IL1RAPL2: variants seen among roughly 807,000 people sequenced by gnomAD.
The protein encoded by IL1RAPL2 is X-linked interleukin-1 receptor accessory protein-like 2.
In IL1RAPL2, 3 loss-of-function variants were observed where a neutral mutation model predicts 44.1. The observed-to-expected ratio is 0.07, with a 90% confidence interval of 0.03 to 0.18. The LOEUF (loss-of-function observed/expected upper bound fraction) is 0.18. Ranked by LOEUF, IL1RAPL2 falls within the 10% of genes least tolerant of loss-of-function variation. IL1RAPL2 has a pLI of 1.00. For missense variants in IL1RAPL2, 391 were observed against 496.4 expected (o/e 0.79, Z 2.02); for synonymous variants, 181 against 178.8 (o/e 1.01, Z -0.10).
intron 2 of IL1RAPL2, among the ~76,000 whole-genome samples, chrX:105,042,335 A>G (rs2031758440): frequency 9.1e-6 from 1 of 110,371 alleles, no homozygotes; most frequent in Non-Finnish European, 1.9e-5. Flanking sequence ...TCATCTGACA[A>G]AGGGCTAATA....
At chrX:104,651,866 A>G (rs1015987452) in intron 1 of IL1RAPL2, among the ~76,000 whole-genome samples, 1 of 111,735 alleles carries the variant, frequency 8.9e-6, no homozygotes, top group African/African-American at 3.2e-5. Context: ...GATAAGGTCT[A>G]TGGAAAACAA....
At chrX:105,220,023 C>T (rs913418680) in intron 3 of IL1RAPL2, 23 of 1,209,653 alleles carry the variant, frequency 1.9e-5, no homozygotes, top group Admixed American at 8.7e-5. Flanking sequence ...GCCGGGAGGC[C>T]GCCTCCTTGC....
chrX:105,073,914 G>T lies in IL1RAPL2; in HGVS notation c.83-121561G>T, dbSNP rs750003257. Among the ~76,000 whole-genome samples the T allele has an allele frequency of 5.7e-3, 635 of 110,710 alleles. 7 individuals are homozygous for T. Among genetic ancestry groups the T allele is most frequent in the African/African-American group, 0.02 (597 of 30,386 alleles). Reference sequence around the variant, plus strand: ...TTTGTTTTTTTCTTGTAAATTTGTTGGAGTTCATTGTAGATTCTGGATATT... The same window carrying T: ...TTTGTTTTTTTCTTGTAAATTTGTTTGAGTTCATTGTAGATTCTGGATATT... On this transcript the variant is annotated intron_variant, in intron 2 of 10. Transcript: ENST00000372582.
chrX:104,675,753 TC>T (rs1930736614), intron 2 of IL1RAPL2, among the ~76,000 whole-genome samples: 5 of 110,493 alleles, frequency 4.5e-5, no homozygotes, highest in African/African-American at 1.7e-4. Flanking sequence ...TGTAGGTCAC[TC>T]AGGACTTGCT....
chrX:104,958,102 A>G (rs773183563), intron 2 of IL1RAPL2, among the ~76,000 whole-genome samples: 10 of 111,115 alleles, frequency 9.0e-5, no homozygotes, highest in Non-Finnish European at 1.5e-4. Context: ...CAAAGTAAAT[A>G]AATGAATGAA....
At chrX:104,913,054 A>G (rs1318979573) in intron 2 of IL1RAPL2, among the ~76,000 whole-genome samples, 1 of 112,074 alleles carries the variant, frequency 8.9e-6, no homozygotes, top group Non-Finnish European at 1.9e-5. Context: ...AATAAGAGAA[A>G]AATCACTATG....
intron 2 of IL1RAPL2, among the ~76,000 whole-genome samples, chrX:104,692,931 C>T (rs1220419126): frequency 8.9e-6 from 1 of 111,734 alleles, no homozygotes. Context: ...CCAACTTCCA[C>T]AATGGTTGAA....
intron 2 of IL1RAPL2, among the ~76,000 whole-genome samples, chrX:104,663,514 T>C (rs953450461): frequency 9.0e-6 from 1 of 110,558 alleles, no homozygotes; most frequent in Non-Finnish European, 1.9e-5. Flanking sequence ...AAATCAACAA[T>C]GTGATATTGA....
intron 2 of IL1RAPL2, among the ~76,000 whole-genome samples, chrX:105,008,571 CCCTT>C (rs2030986613): frequency 1.8e-5 from 2 of 110,909 alleles, no homozygotes; most frequent in African/African-American, 6.6e-5. Flanking sequence ...GAAACTGGAT[CCCTT>C]CCTTACACCT....
At chrX:105,185,846 G>A (rs1157735330) in intron 2 of IL1RAPL2, among the ~76,000 whole-genome samples, 1 of 112,062 alleles carries the variant, frequency 8.9e-6, no homozygotes, top group Non-Finnish European at 1.9e-5. Context: ...GTTAACCAAA[G>A]CAGTTCACTC....
intron 2 of IL1RAPL2, among the ~76,000 whole-genome samples, chrX:104,895,454 C>T (rs1226026005): frequency 1.8e-5 from 2 of 112,731 alleles, no homozygotes; most frequent in Non-Finnish European, 3.8e-5. Flanking sequence ...TTCCTGGCCA[C>T]TTTGTTTACC....
chrX:105,364,455 A>G (rs145213168), intron 5 of IL1RAPL2, among the ~76,000 whole-genome samples: 156 of 110,695 alleles, frequency 1.4e-3, no homozygotes, highest in Middle Eastern at 4.7e-3. Flanking sequence ...TATTTTTGTG[A>G]AAAAATGATG....
chrX:105,755,997 C>T (rs1280212682), intron 10 of IL1RAPL2, among the ~76,000 whole-genome samples: 2 of 111,700 alleles, frequency 1.8e-5, no homozygotes, highest in Admixed American at 9.5e-5. Flanking sequence ...ATCCAGAGTG[C>T]ATACACATAC....
chrX:105,431,360 G>A (rs2035845973), intron 5 of IL1RAPL2, among the ~76,000 whole-genome samples: 1 of 111,817 alleles, frequency 8.9e-6, no homozygotes, highest in Admixed American at 9.5e-5. Context: ...TTTTCACCTA[G>A]CAAATTTGAT....
chrX:105,395,367 AT>A (rs1000956031), intron 5 of IL1RAPL2, among the ~76,000 whole-genome samples: 18 of 109,823 alleles, frequency 1.6e-4, no homozygotes, highest in African/African-American at 4.3e-4. Context: ...GATATTCTTA[AT>A]TTTTTTTAAT....
intron 2 of IL1RAPL2, among the ~76,000 whole-genome samples, chrX:104,906,564 C>A (rs897038056): frequency 8.9e-6 from 1 of 111,767 alleles, no homozygotes; most frequent in African/African-American, 3.3e-5. Context: ...TTGAGATAAT[C>A]ATGTGGTTTT....
intron 2 of IL1RAPL2, among the ~76,000 whole-genome samples, chrX:104,997,108 G>A (rs2030762538): frequency 9.0e-6 from 1 of 111,562 alleles, no homozygotes; most frequent in African/African-American, 3.3e-5. Context: ...TTTATGCTAA[G>A]TGGGAAGGGA....
At chrX:104,585,178 C>G (rs1212167323) in intron 1 of IL1RAPL2, among the ~76,000 whole-genome samples, 1 of 63,401 alleles carries the variant, frequency 1.6e-5, no homozygotes, top group South Asian at 6.6e-4. Flanking sequence ...TGTATATATA[C>G]ACACATACAC....
intron 6 of IL1RAPL2, among the ~76,000 whole-genome samples, chrX:105,532,240 A>C (rs1418484154): frequency 9.0e-6 from 1 of 111,587 alleles, no homozygotes; most frequent in East Asian, 2.8e-4. Flanking sequence ...TTCTAAATCT[A>C]ATCTAACACC....
Sources: gnomAD v4.1 joint callset for allele counts (sites outside exome capture counted in the v4.1 genomes callset) on GRCh38, gnomAD v4.1.1 for gene constraint, MANE v1.5 for transcripts, NCBI Gene and HGNC (gene_info 2026-07-23, HGNC 2026-07-21) for gene names.